HMBOX1: variants seen among roughly 807,000 people sequenced by gnomAD.
The protein encoded by HMBOX1 is homeobox-containing protein 1.
In HMBOX1, 14 loss-of-function variants were observed where a neutral mutation model predicts 54.5. The observed-to-expected ratio is 0.26, with a 90% CI of 0.17 to 0.40. HMBOX1 has a LOEUF of 0.40. HMBOX1 is among the 10% of genes least tolerant of loss of function. The pLI is 1.00. For synonymous variants in HMBOX1, 160 were observed against 181.0 expected (o/e 0.88, Z 0.93); for missense variants, 332 against 514.4 (o/e 0.65, Z 3.43).
intron 1 of HMBOX1, among the ~76,000 whole-genome samples, chr8:28,931,482 T>G (rs940771197): frequency 1.3e-5 from 2 of 152,192 alleles, no homozygotes; most frequent in African/African-American, 4.8e-5. Context: ...GAGCTTGATC[T>G]TTCTTATCCC....
chr8:28,942,389 T>G (rs1245619652), intron 1 of HMBOX1, among the ~76,000 whole-genome samples: 1 of 152,226 alleles, frequency 6.6e-6, no homozygotes, highest in Non-Finnish European at 1.5e-5. Context: ...GCCAACTTGT[T>G]ACATTTTTAA....
chr8:28,926,158 C>T (rs943296730), intron 1 of HMBOX1, among the ~76,000 whole-genome samples: 7 of 151,884 alleles, frequency 4.6e-5, no homozygotes, highest in Non-Finnish European at 8.8e-5. Context: ...AAAAACTAGC[C>T]GGGCATGGTG....
intron 1 of HMBOX1, among the ~76,000 whole-genome samples, chr8:28,921,673 C>G (rs1161424281): frequency 6.6e-6 from 1 of 152,108 alleles, no homozygotes. Context: ...AAATACACAT[C>G]CTCATTTGAA....
At chr8:28,980,898 T>C (rs1300299442) in intron 4 of HMBOX1, among the ~76,000 whole-genome samples, 1 of 152,162 alleles carries the variant, frequency 6.6e-6, no homozygotes, top group African/African-American at 2.4e-5. Flanking sequence ...TGCAACATTG[T>C]TGTACTTTGC....
intron 1 of HMBOX1, among the ~76,000 whole-genome samples, chr8:28,908,264 T>C (rs913040839): frequency 7.2e-5 from 11 of 152,216 alleles, no homozygotes; most frequent in African/African-American, 2.7e-4. Flanking sequence ...CTTGTCTTGT[T>C]TTGTTTTATA....
chr8:28,978,537 C>T (rs1223864797), intron 3 of HMBOX1, among the ~76,000 whole-genome samples: 2 of 152,176 alleles, frequency 1.3e-5, no homozygotes, highest in Non-Finnish European at 2.9e-5. Context: ...ATTCCCAGCA[C>T]TTTGGGAGGC....
chr8:29,010,130 AG>A (rs1834036631), intron 5 of HMBOX1: 1 of 979,452 alleles, frequency 1.0e-6, no homozygotes, highest in South Asian at 4.7e-5. Context: ...GAAACAGAAA[AG>A]AACCTATCAA....
intron 1 of HMBOX1, among the ~76,000 whole-genome samples, chr8:28,909,690 A>G (rs1815036265): frequency 6.6e-6 from 1 of 150,968 alleles, no homozygotes; most frequent in African/African-American, 2.4e-5. Flanking sequence ...TATGAAGACC[A>G]AAAAAAAATG....
rs1829003420 is a variant in HMBOX1 at position 28,979,550 on chromosome 8, A to G, written c.501-521A>G. Among the ~76,000 whole-genome samples, 4 of 152,192 alleles carry G rather than the reference A, an allele frequency of 2.6e-5. No homozygotes were observed. In the South Asian group the frequency reaches 6.2e-4, roughly 24 times the overall value. On this transcript the variant is annotated intron_variant, in intron 3 of 9. Coordinates refer to ENST00000287701, the MANE Select transcript of HMBOX1 (RefSeq NM_001135726.3). Reference sequence around the variant, plus strand: ...AGTTAAAGAGCAAGCCTTTCTTCAAATGGCTAACATTTTTACGGTTGTGAG... The same window carrying G: ...AGTTAAAGAGCAAGCCTTTCTTCAAGTGGCTAACATTTTTACGGTTGTGAG...
intron 5 of HMBOX1, among the ~76,000 whole-genome samples, chr8:29,013,423 C>A (rs549829634): frequency 6.6e-6 from 1 of 152,160 alleles, no homozygotes; most frequent in African/African-American, 2.4e-5. Context: ...CATGAGCCAC[C>A]GCACCCAGCG....
intron 1 of HMBOX1, among the ~76,000 whole-genome samples, chr8:28,913,648 C>G (rs538806927): frequency 6.6e-6 from 1 of 152,294 alleles, no homozygotes; most frequent in Admixed American, 6.5e-5. Flanking sequence ...AAGAACCATG[C>G]ATTTCTCTTT....
chr8:28,929,454 T>C (rs1819093601), intron 1 of HMBOX1, among the ~76,000 whole-genome samples: 1 of 152,096 alleles, frequency 6.6e-6, no homozygotes, highest in South Asian at 2.1e-4. Flanking sequence ...TGATGGCTAT[T>C]GATAGAGACA....
chr8:28,926,354 C>A (rs903879848), intron 1 of HMBOX1, among the ~76,000 whole-genome samples: 1 of 151,198 alleles, frequency 6.6e-6, no homozygotes, highest in Non-Finnish European at 1.5e-5. Context: ...TACAAATATT[C>A]ATTTAGAAGT....
At chr8:29,023,696 C>T (rs1206009229) in intron 6 of HMBOX1, among the ~76,000 whole-genome samples, 3 of 152,198 alleles carry the variant, frequency 2.0e-5, no homozygotes, top group Non-Finnish European at 4.4e-5. Flanking sequence ...TCCACCGCTA[C>T]AGCCCCAATT....
intron 1 of HMBOX1, among the ~76,000 whole-genome samples, chr8:28,895,875 A>G (rs965583814): frequency 2.6e-5 from 4 of 152,122 alleles, no homozygotes; most frequent in Non-Finnish European, 4.4e-5. Flanking sequence ...GGTTTATTGC[A>G]TCAGTCTCTT....
chr8:29,009,310 A>G, intron 5 of HMBOX1, 128 bp downstream of exon 5: 2 of 1,045,188 alleles, frequency 1.9e-6, no homozygotes, highest in Non-Finnish European at 1.4e-6. Flanking sequence ...CTTTATGCAG[A>G]AAAAGACTCT....
chr8:28,892,951 T>C (rs1018001041), intron 1 of HMBOX1, among the ~76,000 whole-genome samples: 3 of 152,208 alleles, frequency 2.0e-5, no homozygotes, highest in Non-Finnish European at 4.4e-5. Flanking sequence ...CATATTATAA[T>C]AGTCATGGAG....
intron 1 of HMBOX1, among the ~76,000 whole-genome samples, chr8:28,897,166 A>G (rs1488990062): frequency 6.6e-6 from 1 of 151,776 alleles, no homozygotes. Flanking sequence ...TGTAGTTTTA[A>G]TAGAGACGGG....
chr8:29,050,394 G>A (rs922655240), intron 9 of HMBOX1: 2 of 182,518 alleles, frequency 1.1e-5, no homozygotes, highest in Non-Finnish European at 2.1e-5. Context: ...TAGGTAAGAC[G>A]CCTGCCGCTC....
Sources: gnomAD v4.1 joint callset for allele counts (sites outside exome capture counted in the v4.1 genomes callset) on GRCh38, gnomAD v4.1.1 for gene constraint, MANE v1.5 for transcripts, NCBI Gene and HGNC (gene_info 2026-07-23, HGNC 2026-07-21) for gene names.